Variants in PRDM1 observed in about 807,000 individuals in gnomAD.
PRDM1 encodes PR/SET domain 1.
A neutral mutation model predicts 62.8 loss-of-function variants in PRDM1; 13 were observed. That is an observed-to-expected ratio of 0.21 (90% CI 0.13 to 0.33). PRDM1 has a LOEUF of 0.33. Ranked by LOEUF, PRDM1 falls within the 10% of genes least tolerant of loss-of-function variation. The probability of loss-of-function intolerance (pLI) is 1.00; values close to 1 mark genes in which losing one functional copy is unlikely to be tolerated. For synonymous variants in PRDM1, 396 were observed against 417.6 expected (o/e 0.95, Z 0.63); for missense variants, 895 against 1,058.8 (o/e 0.85, Z 2.15).
At chr6:106,095,069 A>G (rs1227472691) in intron 2 of PRDM1, among the ~76,000 whole-genome samples, 1 of 151,816 alleles carries the variant, frequency 6.6e-6, no homozygotes, top group East Asian at 1.9e-4. Flanking sequence ...ACACACACAC[A>G]CAAACCTCAT....
Position 106,014,867 on chromosome 6 carries a change from G to A in PRDM1, c.-67+21228G>A, listed in dbSNP as rs559196383. The stretch of plus-strand genomic sequence containing the variant: ...ATTATTGTGATCAAAAATAGTTTGG[G>A]AAGATGGTGAGCAGGGGTTTTGCTT... On this transcript the variant is annotated intron_variant, in intron 1 of 6. Transcript: ENST00000652320. 1.4e-4 allele frequency among the ~76,000 whole-genome samples: 21 copies of A among 152,200 alleles called. No homozygotes were observed. In the South Asian group the frequency reaches 4.4e-3, roughly 32 times the overall value.
chr6:106,084,687 G>GAA (rs1773757456), upstream of PRDM1, among the ~76,000 whole-genome samples: 1 of 152,206 alleles, frequency 6.6e-6, no homozygotes, highest in African/African-American at 2.4e-5. Context: ...CTCAGCATCA[G>GAA]TTAATAAACC....
intron 1 of PRDM1, among the ~76,000 whole-genome samples, chr6:106,057,310 G>A (rs1338367324): frequency 6.6e-6 from 1 of 152,150 alleles, no homozygotes; most frequent in Non-Finnish European, 1.5e-5. Flanking sequence ...TTTATGAGTG[G>A]TTTAGAGAAA....
At chr6:106,068,697 A>C (rs1488152670) in intron 1 of PRDM1, among the ~76,000 whole-genome samples, 1 of 152,118 alleles carries the variant, frequency 6.6e-6, no homozygotes, top group African/African-American at 2.4e-5. Flanking sequence ...CACACAGTGC[A>C]CTCTTCAGAA....
Position 106,023,566 on chromosome 6 carries a change from A to G in PRDM1, c.-67+29927A>G, listed in dbSNP as rs113326895. Among the ~76,000 whole-genome samples the G allele has an allele frequency of 1.4e-3, 208 of 152,296 alleles. 2 individuals are homozygous for G. The highest frequency in any genetic ancestry group is 4.8e-3 in the African/African-American group (201 of 41,560). On this transcript the variant is annotated intron_variant, in intron 1 of 6. Transcript: ENST00000652320. ...TTTACTAAATTAGGCAATGGAGGTCATTACATTTTCTTCATCTAACAGGAA... is the reference window on the plus strand; with the variant it reads ...TTTACTAAATTAGGCAATGGAGGTCGTTACATTTTCTTCATCTAACAGGAA...
chr6:106,026,410 C>T (rs1158130085), intron 1 of PRDM1, among the ~76,000 whole-genome samples: 1 of 152,034 alleles, frequency 6.6e-6, no homozygotes, highest in Non-Finnish European at 1.5e-5. Flanking sequence ...ACCCGGGAGG[C>T]AGAGGTTGCA....
At chr6:106,081,117 T>G (rs781071903) in intron 1 of PRDM1, among the ~76,000 whole-genome samples, 2 of 152,236 alleles carry the variant, frequency 1.3e-5, no homozygotes, top group Non-Finnish European at 2.9e-5. Context: ...TGCCTTTGCC[T>G]TCTCTTTCCT....
chr6:106,061,390 G>A (rs1280183924), intron 1 of PRDM1, among the ~76,000 whole-genome samples: 4 of 151,862 alleles, frequency 2.6e-5, no homozygotes, highest in South Asian at 2.1e-4. Context: ...CCACTGATCC[G>A]GACTGAGTGC....
upstream of PRDM1, among the ~76,000 whole-genome samples, chr6:106,084,938 A>C (rs1773763686): frequency 6.6e-6 from 1 of 152,066 alleles, no homozygotes; most frequent in Non-Finnish European, 1.5e-5. Flanking sequence ...ACTGAGAGAG[A>C]GATTGCAGCA....
rs778103910 is a variant in PRDM1, at chr6:106,105,837, C to T, written c.1677C>T (p.Tyr559=). 1.2e-6 allele frequency: 2 copies of T among 1,614,222 alleles called. No homozygotes were observed. Among genetic ancestry groups the T allele is most frequent in the Non-Finnish European group, 1.7e-6 (2 of 1,180,036 alleles). ...AAAACAAAAGAAACATGACCGGCTA[C>T]AAGACCCTTCCCTACCCGCTGAAGA... ...LIKNKRNMTG[Y]KTLPYPLKKQ... Residue 559 remains tyrosine, a synonymous_variant, in exon 5 of 7, where the codon TAC becomes TAT. Transcript: ENST00000369096.
At chr6:106,096,675 A>C (rs982420116) in intron 3 of PRDM1, among the ~76,000 whole-genome samples, 3 of 152,236 alleles carry the variant, frequency 2.0e-5, no homozygotes, top group Non-Finnish European at 2.9e-5. Context: ...AGATCTAGCC[A>C]GTACAATTTC....
intron 1 of PRDM1, among the ~76,000 whole-genome samples, chr6:106,054,345 C>T (rs972284260): frequency 1.3e-5 from 2 of 151,674 alleles, no homozygotes; most frequent in Non-Finnish European, 2.9e-5. Context: ...TGTGTGTATA[C>T]CTGGTGTATT....
intron 1 of PRDM1, among the ~76,000 whole-genome samples, chr6:105,999,985 G>A (rs530368525): frequency 1.6e-4 from 25 of 152,146 alleles, no homozygotes; most frequent in Admixed American, 1.6e-3. Flanking sequence ...AAGTAGCTGG[G>A]ACTACAGGCG....
rs769462324 is a variant in PRDM1, at chr6:106,106,531, C to G, written c.1902+32C>G. On this transcript the variant is annotated intron_variant, in intron 6 of 6. Transcript: ENST00000369096. The surrounding 1 kb of genome is among the most constrained non-coding windows in gnomAD (Gnocchi z 4.4). The stretch of plus-strand genomic sequence containing the variant: ...AGTATTTTCTGGGTAGACCTTCTGA[C>G]CTTTGTAGAAAATGTCTGTGAGTCA... 2 of 1,613,034 alleles carry G rather than the reference C, an allele frequency of 1.2e-6. No homozygotes were observed. Among genetic ancestry groups the G allele is most frequent in the Non-Finnish European group, 1.7e-6 (2 of 1,179,558 alleles).
chr6:106,081,315 C>T (rs527924674), intron 1 of PRDM1, among the ~76,000 whole-genome samples: 12 of 152,300 alleles, frequency 7.9e-5, no homozygotes, highest in East Asian at 1.9e-4. Flanking sequence ...TACCTTAGGT[C>T]CAGTAAGTGC....
At chr6:106,101,168 A>C (rs1003213294) in intron 4 of PRDM1, among the ~76,000 whole-genome samples, 4 of 151,972 alleles carry the variant, frequency 2.6e-5, no homozygotes, top group African/African-American at 7.3e-5. Flanking sequence ...ACTTCCACTT[A>C]AGGGTCTCCT....
chr6:106,095,313 T>C lies in PRDM1; in HGVS notation c.292-302T>C, dbSNP rs117545201. Among the ~76,000 whole-genome samples, 418 of 152,350 alleles carry C rather than the reference T, an allele frequency of 2.7e-3. 4 individuals are homozygous for C. The highest frequency in any genetic ancestry group is 4.1e-3 in the Non-Finnish European group (282 of 68,018). ...TTCTCATTCTAAAAGAGAATGGTTA[T>C]ATTCGCTGTTCTAGCATAAAAAGTA... On this transcript the variant is annotated intron_variant, in intron 2 of 6. Coordinates refer to ENST00000369096, the MANE Select transcript of PRDM1 (RefSeq NM_001198.4).
rs1774453285 is a variant in PRDM1, at chr6:106,105,585, C to T, written c.1425C>T (p.Ala475=). Residue 475 remains alanine (A), a synonymous_variant, in exon 5 of 7, where the codon GCC becomes GCT. Coordinates refer to ENST00000369096, the MANE Select transcript of PRDM1 (RefSeq NM_001198.4). ...SLPSSLPSDG[A]RRLLQPEHPR... ...CGAGCTCGCTGCCCTCAGATGGAGC[C>T]CGGAGGTTGCTCCAGCCGGAGCATC... 1 of 1,613,050 alleles carries T rather than the reference C, an allele frequency of 6.2e-7. No homozygotes were observed. Among genetic ancestry groups the T allele is most frequent in the African/African-American group, 1.3e-5 (1 of 74,920 alleles).
chr6:106,054,377 T>C (rs1196374224), intron 1 of PRDM1, among the ~76,000 whole-genome samples: 1 of 152,186 alleles, frequency 6.6e-6, no homozygotes, highest in African/African-American at 2.4e-5. Context: ...GAAAATCAGA[T>C]TGCTACTTGT....
Sources: allele counts gnomAD v4.1 joint callset (sites outside exome capture counted in the v4.1 genomes callset), GRCh38; gene constraint gnomAD v4.1.1; non-coding constraint Gnocchi (gnomAD v3.1); transcripts MANE v1.5; gene names NCBI Gene and HGNC (gene_info 2026-07-23, HGNC 2026-07-21).